MLKL: variants seen among roughly 807,000 people sequenced by gnomAD.
The protein encoded by MLKL is mixed lineage kinase domain-like protein.
In MLKL, 55 loss-of-function variants were observed where a neutral mutation model predicts 56.5. The ratio of observed to expected loss-of-function variants is 0.97; its 90% CI spans 0.78 to 1.22. MLKL has a LOEUF of 1.22. Among genes scored for constraint, MLKL ranks in the 50% most tolerant of loss-of-function variants. The probability of loss-of-function intolerance (pLI) is 0.00; values close to 1 mark genes in which losing one functional copy is unlikely to be tolerated. For missense variants in MLKL, 694 were observed against 573.9 expected (o/e 1.21, Z -2.14); for synonymous variants, 251 against 208.3 (o/e 1.20, Z -1.76).
At chr16:74,675,884 C>G (rs1407644148) in intron 7 of MLKL, 120 bp from the exon 8 acceptor site, 1 of 1,072,812 alleles carries the variant, frequency 9.3e-7, no homozygotes, top group African/African-American at 1.6e-5. Flanking sequence ...GATTTATTTC[C>G]TGTCGTGACT....
intron 2 of MLKL, among the ~76,000 whole-genome samples, chr16:74,694,671 G>C (rs1391883940): frequency 6.6e-6 from 1 of 152,182 alleles, no homozygotes; most frequent in Non-Finnish European, 1.5e-5. Flanking sequence ...TCGGGAGCCT[G>C]AGGTGGGAGG....
intron 8 of MLKL, 43 bp from the exon 9 acceptor site, chr16:74,675,447 C>A: frequency 6.2e-7 from 1 of 1,604,568 alleles, no homozygotes; most frequent in South Asian, 1.1e-5. Context: ...ACTAGTCTCC[C>A]CTTTCCCCTG....
rs750220559 is a variant in MLKL, at chr16:74,692,424, A to G, written c.461-8T>C. 22 of 1,608,804 alleles carry G rather than the reference A, an allele frequency of 1.4e-5. No individual in the cohort carries two copies. The East Asian group carries it at 4.7e-4, about 34-fold the overall frequency. On this transcript the variant is annotated splice_polypyrimidine_tract_variant and splice_region_variant and intron_variant, in intron 2 of 10. Coordinates refer to ENST00000308807, the MANE Select transcript of MLKL (RefSeq NM_152649.4). ...CTTCTATTTTTTCATTATCTGCAGG[A>G]AAAAAGGGCAGTATATGCTCAAAAT...
intron 2 of MLKL, among the ~76,000 whole-genome samples, chr16:74,693,917 T>G (rs911324428): frequency 6.6e-6 from 1 of 152,172 alleles, no homozygotes; most frequent in Admixed American, 6.5e-5. Context: ...TGGTAAATTT[T>G]ATGTTATGTA....
chr16:74,691,391 C>A lies in MLKL; in HGVS notation c.608G>T (p.Gly203Val). ...TTCCCTTAGCAGAATCCACGGGGAT[C>A]CTGAAAGCTGCTCCTTCTTGATCTC... ...IKEIKKEQLS[G>V]SPWILLRENE... Residue 203 changes from glycine to valine, a missense_variant, in exon 4 of 11, where the codon GGA (glycine) becomes GTA (valine). Transcript: ENST00000308807. The A allele has an allele frequency of 6.2e-7, 1 of 1,614,020 alleles. No individual in the cohort carries two copies. Among genetic ancestry groups the A allele is most frequent in the Non-Finnish European group, 8.5e-7 (1 of 1,180,018 alleles).
rs149909511 is a variant in MLKL, at chr16:74,686,002, C to T, written c.723-419G>A. On this transcript the variant is annotated intron_variant, in intron 4 of 10. Transcript: ENST00000308807. The stretch of plus-strand genomic sequence containing the variant: ...GGAGACAGGGTCTTGCTTTGTCACC[C>T]AGGCTGGAGTGCAGTGGTGCGATCT... 3.5e-4 allele frequency among the ~76,000 whole-genome samples: 53 copies of T among 151,422 alleles called. 1 individual carries two copies. In the East Asian group the frequency reaches 0.01, roughly 29 times the overall value.
Position 74,691,416 on chromosome 16 carries a change from C to G in MLKL, c.583G>C (p.Glu195Gln), listed in dbSNP as rs1567615459. 3 of 1,614,008 alleles carry G rather than the reference C, an allele frequency of 1.9e-6. No homozygotes were observed. The Admixed American group carries it at 5.0e-5, about 27-fold the overall frequency. ...MQEIPQEQIK[E>Q]IKKEQLSGSP... is the part of the protein sequence containing the mutation. Reference sequence around the variant, plus strand: ...CCTGAAAGCTGCTCCTTCTTGATCTCCTTGATTTGCTCTTGCGGGATCTCC... The same window carrying G: ...CCTGAAAGCTGCTCCTTCTTGATCTGCTTGATTTGCTCTTGCGGGATCTCC... The change falls in exon 4 of 11, where the codon GAG becomes CAG. Residue 195 changes from glutamate (E) to glutamine (Q), a missense_variant. Transcript: ENST00000308807.
intron 1 of MLKL, among the ~76,000 whole-genome samples, chr16:74,696,526 C>G (rs2144565368): frequency 6.6e-6 from 1 of 151,602 alleles, no homozygotes; most frequent in South Asian, 2.1e-4. Context: ...GTGGCTCCCA[C>G]CGATAATCCC....
In MLKL at chr16:74,682,535, T is replaced by C; in HGVS notation, c.956+116A>G. ...GTAATCAGAGTAAATAGTAAAACAG[T>C]GTATGGGAGGGAGACTGTCTGGGGC... On this transcript the variant is annotated intron_variant, in intron 6 of 10. Coordinates refer to ENST00000308807, the MANE Select transcript of MLKL (RefSeq NM_152649.4). 25 of 1,379,710 alleles carry C rather than the reference T, an allele frequency of 1.8e-5. No individual in the cohort carries two copies. In the South Asian group the frequency reaches 3.3e-4, roughly 18 times the overall value. 85.5% of individuals were successfully genotyped at this position (1,379,710 alleles called of 1,614,324 possible).
chr16:74,685,644 C>G, intron 4 of MLKL, 61 bp from the exon 5 acceptor site: 1 of 1,359,762 alleles, frequency 7.4e-7, no homozygotes, highest in Non-Finnish European at 1.0e-6. Context: ...AGAGAACATT[C>G]AGTGTGGTGA....
Position 74,687,016 on chromosome 16 carries a change from G to A in MLKL, c.723-1433C>T, listed in dbSNP as rs138853232. Among the ~76,000 whole-genome samples the A allele has an allele frequency of 6.4e-4, 98 of 152,146 alleles. No individual in the cohort carries two copies. In the Middle Eastern group the frequency reaches 0.024, roughly 37 times the overall value. ...TTTGAGATGGAGCCTCACTTTTGTC[G>A]CCCAGGCTGAGTGCAATGGCATGAT... On this transcript the variant is annotated intron_variant, in intron 4 of 10. Coordinates refer to ENST00000308807, the MANE Select transcript of MLKL (RefSeq NM_152649.4).
At chr16:74,697,417 G>T (rs1467586127) in intron 1 of MLKL, among the ~76,000 whole-genome samples, 1 of 152,036 alleles carries the variant, frequency 6.6e-6, no homozygotes, top group Non-Finnish European at 1.5e-5. Flanking sequence ...TGCTTTATTT[G>T]CAACTGAAGC....
intron 1 of MLKL, among the ~76,000 whole-genome samples, chr16:74,698,885 A>G (rs549605895): frequency 6.6e-6 from 1 of 152,216 alleles, no homozygotes; most frequent in Non-Finnish European, 1.5e-5. Context: ...AGGCCGAGGC[A>G]GGTGGATCAC....
chr16:74,675,122 C>T, intron 9 of MLKL, 22 bp from the exon 10 acceptor site: 2 of 1,611,180 alleles, frequency 1.2e-6, no homozygotes, highest in Non-Finnish European at 1.7e-6. Context: ...AGCATGAGAG[C>T]CTCAAAAAAT....
chr16:74,676,972 G>C (rs1959634935), intron 7 of MLKL: 1 of 152,188 alleles, frequency 6.6e-6, no homozygotes. Flanking sequence ...GATTGCTTCT[G>C]GGCAGGATCA....
chr16:74,695,793 C>T, intron 1 of MLKL, 34 bp from the exon 2 acceptor site: 1 of 1,532,580 alleles, frequency 6.5e-7, no homozygotes, highest in South Asian at 1.2e-5. Context: ...GTGAAATCCC[C>T]AAATCTCCTG....
At chr16:74,673,577 G>C (rs561875469) in intron 10 of MLKL, among the ~76,000 whole-genome samples, 58 of 152,120 alleles carry the variant, frequency 3.8e-4, no homozygotes, top group Non-Finnish European at 6.2e-4. Flanking sequence ...TAGGGTATGA[G>C]AGAGAGATGC....
intron 6 of MLKL, among the ~76,000 whole-genome samples, chr16:74,681,410 A>G (rs1163786281): frequency 6.6e-6 from 1 of 152,162 alleles, no homozygotes; most frequent in East Asian, 1.9e-4. Flanking sequence ...AAAACCCTGC[A>G]GATGGTTTGT....
At chr16:74,677,041 C>CTTATTTATTTAT (rs566485609) in intron 7 of MLKL, 4 of 152,006 alleles carry the variant, frequency 2.6e-5, no homozygotes, top group African/African-American at 9.6e-5. Context: ...GCAAATTTTT[C>CTTATTTATTTAT]TTATTTATTT....
Sources: allele counts gnomAD v4.1 joint callset (sites outside exome capture counted in the v4.1 genomes callset), GRCh38; gene constraint gnomAD v4.1.1; transcripts MANE v1.5; gene names NCBI Gene and HGNC (gene_info 2026-07-23, HGNC 2026-07-21).